Variants in EVPL observed in about 807,000 individuals in gnomAD.
The protein encoded by EVPL is 210 kDa cornified envelope precursor protein.
EVPL carries 94 observed loss-of-function variants against 129.7 expected under a neutral mutation model. The observed-to-expected ratio is 0.72, with a 90% CI of 0.61 to 0.86. The LOEUF is 0.86. EVPL is among the 40% of genes least tolerant of loss of function. EVPL has a pLI of 0.00. For synonymous variants in EVPL, 1,172 were observed against 1,191.1 expected (o/e 0.98, Z 0.33); for missense variants, 2,625 against 2,721.1 (o/e 0.96, Z 0.79).
intron 9 of EVPL, among the ~76,000 whole-genome samples, chr17:76,020,640 A>T (rs1387449944): frequency 6.7e-6 from 1 of 150,230 alleles, no homozygotes; most frequent in Non-Finnish European, 1.5e-5. Context: ...TTATTCTCCT[A>T]AAGAGCCTTT....
chr17:76,022,052 C>A lies in EVPL; in HGVS notation c.646-24G>T, dbSNP rs2066464660. On this transcript the variant is annotated intron_variant, in intron 6 of 21. Coordinates refer to ENST00000301607, the MANE Select transcript of EVPL (RefSeq NM_001988.4). The surrounding 1 kb of genome is among the most constrained non-coding windows in gnomAD (Gnocchi z 5.6). ...TTCTGTGCTCAGGACCCGCCGCCAG[C>A]AGCAGGGTGGGGAGACAGAAAGTGG... 1 of 1,554,056 alleles carries A rather than the reference C, an allele frequency of 6.4e-7. No homozygotes were observed.
Position 76,010,421 on chromosome 17 carries a change from C to T in EVPL, c.2784G>A (p.Val928=), listed in dbSNP as rs375272876. The part of the protein sequence containing the change: ...KAQLEEERKR[V]ARVQHELEAQ... ...CCTCCAGCTCATGCTGCACCCGGGC[C>T]ACCCGCTTCCTCTCCTCTTCCAGCT... is the stretch of plus-strand genomic sequence containing the variant. The change falls in exon 22 of 22, where the codon GTG becomes GTA. Residue 928 remains valine (V), a synonymous_variant. Coordinates refer to ENST00000301607, the MANE Select transcript of EVPL (RefSeq NM_001988.4). The T allele has an allele frequency of 1.9e-6, 3 of 1,613,876 alleles. No individual in the cohort carries two copies. Among genetic ancestry groups the T allele is most frequent in the African/African-American group, 2.7e-5 (2 of 74,892 alleles).
intron 18 of EVPL, among the ~76,000 whole-genome samples, chr17:76,012,646 C>T (rs2066386645): frequency 3.9e-5 from 6 of 152,068 alleles, no homozygotes; most frequent in Admixed American, 3.3e-4. Flanking sequence ...CGAGCATCAC[C>T]TGGGGCCTGT....
chr17:76,015,343 C>G lies in EVPL; in HGVS notation c.1912G>C (p.Glu638Gln), dbSNP rs1048795412. Reference sequence around the variant, plus strand: ...CTGTCCGCATCCTGGATCTGCCGCTCCAGATCCAGGGCAGCCTTGGCTCTG... The same window carrying G: ...CTGTCCGCATCCTGGATCTGCCGCTGCAGATCCAGGGCAGCCTTGGCTCTG... ...GEKAKAALDLERQIQDADRVI... is the reference protein window; with the variant it reads ...GEKAKAALDLQRQIQDADRVI... The change falls in exon 16 of 22, where the codon GAG (glutamate) becomes CAG (glutamine). Residue 638 changes from glutamate to glutamine, a missense_variant. Glu to Gln is a conservative substitution (Grantham distance 29). This residue lies in a region of EVPL where 1,024 missense variants were observed against 997.5 expected (regional missense o/e 1.03). Coordinates refer to ENST00000301607, the MANE Select transcript of EVPL (RefSeq NM_001988.4). 5 of 1,604,230 alleles carry G rather than the reference C, an allele frequency of 3.1e-6. No individual in the cohort carries two copies. In the Admixed American group the frequency reaches 8.4e-5, roughly 27 times the overall value.
rs2066502540 is a variant in EVPL at position 76,027,013 on chromosome 17, C to T, written c.98+88G>A. The T allele has an allele frequency of 1.1e-5, 8 of 752,396 alleles. No individual in the cohort carries two copies. In the Admixed American group the frequency reaches 1.3e-4, roughly 12 times the overall value. 46.6% of individuals were successfully genotyped at this position (752,396 alleles called of 1,614,324 possible). Reference sequence around the variant, plus strand: ...ACGGGGCTGGTCCTGGGCTCTGGGCCGCCGCCGCCGCCAGGTGGCTCAAGG... The same window carrying T: ...ACGGGGCTGGTCCTGGGCTCTGGGCTGCCGCCGCCGCCAGGTGGCTCAAGG... On this transcript the variant is annotated intron_variant, in intron 1 of 21. Coordinates refer to ENST00000301607, the MANE Select transcript of EVPL (RefSeq NM_001988.4).
rs752855551 is a variant in EVPL, at chr17:76,023,332, C to A, written c.440G>T (p.Gly147Val). ...CACGCGTGCCCAGTCGACCCTGGGT[C>A]CCACGTCGGGGGGCAGCACCATCTT... is the stretch of plus-strand genomic sequence containing the variant. The part of the protein sequence containing the change: ...YEKMVLPPDV[G>V]PRVDWARVLE... Residue 147 changes from glycine to valine, a missense_variant, in exon 4 of 22, where the codon GGA (glycine) becomes GTA (valine). Physicochemically the swap from Gly to Val is moderately radical, Grantham distance 109. Around this residue, in one of 4 missense-constraint regions of EVPL, gnomAD observed 1,024 missense variants for 997.5 expected, o/e 1.03. Transcript: ENST00000301607. 18 of 1,613,918 alleles carry A rather than the reference C, an allele frequency of 1.1e-5. No homozygotes were observed. Among genetic ancestry groups the A allele is most frequent in the Non-Finnish European group, 1.5e-5 (18 of 1,179,998 alleles).
At chr17:76,011,000 T>G (rs1281271066) in intron 21 of EVPL, among the ~76,000 whole-genome samples, 1 of 152,154 alleles carries the variant, frequency 6.6e-6, no homozygotes, top group Non-Finnish European at 1.5e-5. Context: ...AGGCGGAGGT[T>G]GCAGTGAGCT....
rs1308302452 is a variant in EVPL at position 76,008,349 on chromosome 17, A to T, written c.4856T>A (p.Leu1619Gln). 1 of 1,603,892 alleles carries T rather than the reference A, an allele frequency of 6.2e-7. No homozygotes were observed. The highest frequency in any genetic ancestry group is 1.1e-5 in the South Asian group (1 of 91,024). ...CTCGCTCTCCGTCTTCTGGCTGAGC[A>T]GCTTCGACTCCTCCTGCAGCTGCAG... ...QTLQLQEESK[L>Q]LSQKTESERQ... The change falls in exon 22 of 22, where the codon CTG becomes CAG. Residue 1619 changes from leucine (L) to glutamine (Q), a missense_variant. Physicochemically the swap from Leu to Gln is moderately radical, Grantham distance 113 (BLOSUM62 -2). Coordinates refer to ENST00000301607, the MANE Select transcript of EVPL (RefSeq NM_001988.4). This position sits in a 1 kb window ranked among gnomAD's most constrained non-coding sequence, Gnocchi z 7.4.
In EVPL at chr17:76,007,827, C is replaced by T. The variant is rs769568267; in HGVS notation, c.5378G>A (p.Gly1793Asp). The change falls in exon 22 of 22, where the codon GGC (glycine) becomes GAC (aspartate). Residue 1793 changes from glycine to aspartate, a missense_variant. Gly to Asp is a moderately conservative substitution (Grantham distance 94). This residue lies in a region of EVPL where 1,453 missense variants were observed against 1,511.8 expected (regional missense o/e 0.96). Transcript: ENST00000301607. This position sits in a 1 kb window ranked among gnomAD's most constrained non-coding sequence, Gnocchi z 8.8. ...ETKPSSSLSI[G>D]SIISKSPLAS... ...GAGCGGGGACTTGGAGATGATAGAG[C>T]CGATGGAGAGTGAGGAGCTTGGCTT... is the stretch of plus-strand genomic sequence containing the variant. 1.2e-6 allele frequency: 2 copies of T among 1,611,518 alleles called. No individual in the cohort carries two copies. Among genetic ancestry groups the T allele is most frequent in the East Asian group, 4.5e-5 (2 of 44,796 alleles).
intron 1 of EVPL, among the ~76,000 whole-genome samples, chr17:76,025,198 T>C (rs1427453321): frequency 6.6e-6 from 1 of 152,222 alleles, no homozygotes; most frequent in East Asian, 1.9e-4. Context: ...CTTAGGGCTA[T>C]TGTGAGCATT....
chr17:76,008,337 T>C lies in EVPL; in HGVS notation c.4868A>G (p.Lys1623Arg). Residue 1623 changes from lysine (K) to arginine (R), a missense_variant, in exon 22 of 22, where the codon AAG (lysine) becomes AGG (arginine). This residue lies in a region of EVPL where 1,453 missense variants were observed against 1,511.8 expected (regional missense o/e 0.96). Coordinates refer to ENST00000301607, the MANE Select transcript of EVPL (RefSeq NM_001988.4). This position sits in a 1 kb window ranked among gnomAD's most constrained non-coding sequence, Gnocchi z 7.4. Reference protein sequence around the residue: ...LQEESKLLSQKTESERQKAAQ... With the variant: ...LQEESKLLSQRTESERQKAAQ... ...CGCCTTCTGTCGCTCGCTCTCCGTC[T>C]TCTGGCTGAGCAGCTTCGACTCCTC... 1 of 1,605,558 alleles carries C rather than the reference T, an allele frequency of 6.2e-7. No individual in the cohort carries two copies. The highest frequency in any genetic ancestry group is 8.5e-7 in the Non-Finnish European group (1 of 1,179,760).
chr17:76,026,437 G>A (rs2066498786), intron 1 of EVPL, among the ~76,000 whole-genome samples: 1 of 152,034 alleles, frequency 6.6e-6, no homozygotes, highest in South Asian at 2.1e-4. Flanking sequence ...CTGGTCTCGA[G>A]CTCCTGGGCT....
intron 1 of EVPL, among the ~76,000 whole-genome samples, chr17:76,025,844 A>G (rs1333984295): frequency 2.6e-5 from 4 of 152,254 alleles, no homozygotes; most frequent in Non-Finnish European, 4.4e-5. Context: ...ACACCGCCCA[A>G]TCCATCCACA....
intron 14 of EVPL, 76 bp downstream of exon 14, chr17:76,017,663 C>A: frequency 6.4e-7 from 1 of 1,552,834 alleles, no homozygotes. Context: ...CCTGCACTTG[C>A]CTCACCTCCC....
intron 10 of EVPL, 78 bp downstream of exon 10, chr17:76,019,450 G>C (rs1200182774): frequency 4.0e-5 from 59 of 1,481,028 alleles, no homozygotes; most frequent in Non-Finnish European, 4.7e-5. Context: ...TACCAAGGCA[G>C]AAGGGGTGAG....
Position 76,007,270 on chromosome 17 carries a change from C to T in EVPL, c.5935G>A (p.Glu1979Lys), listed in dbSNP as rs575377469. The T allele has an allele frequency of 1.2e-5, 19 of 1,561,604 alleles. No individual in the cohort carries two copies. The highest frequency in any genetic ancestry group is 5.5e-5 in the African/African-American group (4 of 73,262). The change falls in exon 22 of 22, where the codon GAG becomes AAG. Residue 1979 changes from glutamate (E) to lysine (K), a missense_variant. Physicochemically the swap from Glu to Lys is moderately conservative, Grantham distance 56. This residue lies in a region of EVPL where 1,453 missense variants were observed against 1,511.8 expected (regional missense o/e 0.96). Coordinates refer to ENST00000301607, the MANE Select transcript of EVPL (RefSeq NM_001988.4). The surrounding 1 kb of genome is among the most constrained non-coding windows in gnomAD (Gnocchi z 8.8). Reference protein sequence around the residue: ...AQLLQDESSYEKDLTDPISKE... With the variant: ...AQLLQDESSYKKDLTDPISKE... ...GAGATGGGGTCTGTCAAATCCTTCTCGTAGCTGGACTCGTCCTGCAGGAGC... is the reference window on the plus strand; with the variant it reads ...GAGATGGGGTCTGTCAAATCCTTCTTGTAGCTGGACTCGTCCTGCAGGAGC...
In EVPL at chr17:76,014,554, C is replaced by A. The variant is rs757043823; in HGVS notation, c.2245G>T (p.Ala749Ser). ...TTCTTGAACTGCTGGTAGGTGAGGG[C>A]GGCATCCTGCACCACCTTCTCCCTG... Reference protein sequence around the residue: ...DLREKVVQDAALTYQQFKNCK... With the variant: ...DLREKVVQDASLTYQQFKNCK... Residue 749 changes from alanine (A) to serine (S), a missense_variant, in exon 18 of 22, where the codon GCC (alanine) becomes TCC (serine). Physicochemically the swap from Ala to Ser is moderately conservative, Grantham distance 99. Transcript: ENST00000301607. 6.2e-7 allele frequency: 1 copy of A among 1,612,108 alleles called. No individual in the cohort carries two copies. Among genetic ancestry groups the A allele is most frequent in the Non-Finnish European group, 8.5e-7 (1 of 1,179,528 alleles).
chr17:76,015,416 C>G, intron 15 of EVPL, 34 bp downstream of exon 15: 1 of 1,605,476 alleles, frequency 6.2e-7, no homozygotes. Flanking sequence ...CACGCTGCTG[C>G]CCTGCGTGGC....
chr17:76,018,313 C>T, intron 12 of EVPL, 55 bp from the exon 13 acceptor site: 1 of 1,518,846 alleles, frequency 6.6e-7, no homozygotes, highest in African/African-American at 1.4e-5. Flanking sequence ...CTCTCCCTCC[C>T]CAGCCCCAGT....
Sources: allele counts gnomAD v4.1 joint callset (sites outside exome capture counted in the v4.1 genomes callset), GRCh38; gene constraint gnomAD v4.1.1; regional missense constraint gnomAD v4.1.1; non-coding constraint Gnocchi (gnomAD v3.1); transcripts MANE v1.5; gene names NCBI Gene and HGNC (gene_info 2026-07-23, HGNC 2026-07-21).